PRICKLE2: variants seen among roughly 807,000 people sequenced by gnomAD.
The protein encoded by PRICKLE2 is prickle planar cell polarity protein 2.
In PRICKLE2, 21 loss-of-function variants were observed where a neutral mutation model predicts 81.4. The observed-to-expected ratio is 0.26, with a 90% confidence interval of 0.18 to 0.37. The LOEUF is 0.37. Ranked by LOEUF, PRICKLE2 falls within the 10% of genes least tolerant of loss-of-function variation. The pLI is 1.00. For missense variants in PRICKLE2, 940 were observed against 1,109.0 expected (o/e 0.85, Z 2.16); for synonymous variants, 456 against 421.5 (o/e 1.08, Z -1.00).
chr3:64,234,717 A>G (rs559697059), intron 2 of PRICKLE2, among the ~76,000 whole-genome samples: 86 of 152,104 alleles, frequency 5.7e-4, no homozygotes, highest in Non-Finnish European at 1.1e-3. Flanking sequence ...CCGCTTTTTA[A>G]GAGCATTCTT....
rs180827086 is a variant in PRICKLE2, at chr3:64,213,696, A to C, written c.-41+11214T>G. 6.2e-4 allele frequency among the ~76,000 whole-genome samples: 94 copies of C among 152,262 alleles called. 1 individual carries two copies. Among genetic ancestry groups the C allele is most frequent in the Admixed American group, 6.0e-3 (91 of 15,290 alleles). On this transcript the variant is annotated intron_variant, in intron 1 of 7. Transcript: ENST00000638394. Reference sequence around the variant, plus strand: ...TCATTTTGGGGGTGTGATTTCTCCAACTTTTTTCAGAAAACATTTTCTGAG... The same window carrying C: ...TCATTTTGGGGGTGTGATTTCTCCACCTTTTTTCAGAAAACATTTTCTGAG...
intron 7 of PRICKLE2, among the ~76,000 whole-genome samples, chr3:64,144,514 C>T (rs1285899036): frequency 2.0e-5 from 3 of 152,222 alleles, no homozygotes; most frequent in Non-Finnish European, 4.4e-5. Context: ...GAGCAGTGGC[C>T]GTCCCCTTCA....
At chr3:64,154,879 T>C (rs1177794387) in intron 5 of PRICKLE2, 1 of 152,144 alleles carries the variant, frequency 6.6e-6, no homozygotes, top group Non-Finnish European at 1.5e-5. Context: ...CCAAGTACAG[T>C]GGCTCACACC....
upstream of PRICKLE2, chr3:64,225,498 G>C (rs1163587524): frequency 1.0e-6 from 1 of 976,166 alleles, no homozygotes; most frequent in African/African-American, 1.8e-5. Flanking sequence ...ATGAAGCTGT[G>C]ATGTCAGCAA....
chr3:64,216,147 C>T (rs1322639605), intron 1 of PRICKLE2, among the ~76,000 whole-genome samples: 1 of 152,150 alleles, frequency 6.6e-6, no homozygotes, highest in Non-Finnish European at 1.5e-5. Flanking sequence ...GGCAGAAAAA[C>T]ATTATTTTTT....
chr3:64,216,980 T>A (rs2078881855), intron 1 of PRICKLE2, among the ~76,000 whole-genome samples: 1 of 152,168 alleles, frequency 6.6e-6, no homozygotes, highest in South Asian at 2.1e-4. Flanking sequence ...AGTAATAGAC[T>A]CAGGCAGCGA....
At position 64,230,512 on chromosome 3, in the gene PRICKLE2, A is replaced by G. The variant is rs149630614; in HGVS notation, c.129-31545T>C. On this transcript the variant is annotated intron_variant, in intron 2 of 8. Coordinates refer to the PRICKLE2 transcript ENST00000295902. Reference sequence around the variant, plus strand: ...AATATTTGAAACATGTGAAGCTTCTACAATGTAGGTAAAGATGCATAGCTG... The same window carrying G: ...AATATTTGAAACATGTGAAGCTTCTGCAATGTAGGTAAAGATGCATAGCTG... Among the ~76,000 whole-genome samples, 642 of 152,348 alleles carry G rather than the reference A, an allele frequency of 4.2e-3. 6 individuals carry two copies. The highest frequency in any genetic ancestry group is 0.015 in the African/African-American group (608 of 41,586).
intron 2 of PRICKLE2, chr3:64,163,689 G>T: frequency 6.0e-6 from 1 of 166,300 alleles, no homozygotes; most frequent in East Asian, 1.6e-4. Context: ...GGGATGCAGA[G>T]CATGTAATTA....
chr3:64,265,675 C>T (rs2079692985), intron 2 of PRICKLE2, among the ~76,000 whole-genome samples: 1 of 152,156 alleles, frequency 6.6e-6, no homozygotes, highest in Admixed American at 6.5e-5. Flanking sequence ...TCAGGGCAAA[C>T]CCAACACAAG....
intron 2 of PRICKLE2, among the ~76,000 whole-genome samples, chr3:64,167,991 C>T (rs2077863831): frequency 6.6e-6 from 1 of 152,148 alleles, no homozygotes; most frequent in South Asian, 2.1e-4. Flanking sequence ...TTCCCACTTT[C>T]TTCAAGAGAT....
intron 2 of PRICKLE2, among the ~76,000 whole-genome samples, chr3:64,252,281 A>T (rs1378551955): frequency 2.0e-5 from 3 of 152,178 alleles, no homozygotes; most frequent in African/African-American, 4.8e-5. Context: ...CTGCACCCCC[A>T]TAAGGGCTCC....
At chr3:64,117,304 C>T (rs1214268487) in intron 7 of PRICKLE2, among the ~76,000 whole-genome samples, 2 of 152,168 alleles carry the variant, frequency 1.3e-5, no homozygotes, top group Non-Finnish European at 2.9e-5. Flanking sequence ...CAAGGATGCC[C>T]TCTCTCACCA....
chr3:64,151,180 C>T (rs1012272485), intron 6 of PRICKLE2, among the ~76,000 whole-genome samples: 8 of 152,180 alleles, frequency 5.3e-5, no homozygotes, highest in Middle Eastern at 3.2e-3. Context: ...AGGTAAAGCA[C>T]CCAGTGACTG....
chr3:64,135,275 G>C (rs1179153894), intron 7 of PRICKLE2, among the ~76,000 whole-genome samples: 1 of 152,148 alleles, frequency 6.6e-6, no homozygotes, highest in Non-Finnish European at 1.5e-5. Flanking sequence ...GAAGCAAAAT[G>C]AATGAGTATT....
chr3:64,195,537 T>C (rs925685956), intron 2 of PRICKLE2, among the ~76,000 whole-genome samples: 1 of 152,204 alleles, frequency 6.6e-6, no homozygotes, highest in African/African-American at 2.4e-5. Flanking sequence ...GACAAAGCAT[T>C]TTTACACTCA....
rs143117086 is a variant in PRICKLE2, at chr3:64,209,728, C to T, written c.-40-10761G>A. Among the ~76,000 whole-genome samples the T allele has an allele frequency of 3.3e-5, 5 of 152,352 alleles. No individual in the cohort carries two copies. The East Asian group carries it at 9.6e-4, about 29-fold the overall frequency. On this transcript the variant is annotated intron_variant, in intron 1 of 7. Transcript: ENST00000638394. ...GACAGTCATTAAGACAGACAACATG[C>T]CTGCCTTCGTGGAGCTTTGAACCAA...
At chr3:64,157,074 T>C in intron 5 of PRICKLE2, 88 bp downstream of exon 5, 6 of 1,254,162 alleles carry the variant, frequency 4.8e-6, no homozygotes, top group Non-Finnish European at 7.0e-6. Context: ...TATGGCTTTC[T>C]TCAGTGCAGA....
rs770587769 is a variant in PRICKLE2 at position 64,099,204 on chromosome 3, G to A, written c.2382C>T (p.Pro794=). The A allele has an allele frequency of 6.2e-7, 1 of 1,614,210 alleles. No homozygotes were observed. The highest frequency in any genetic ancestry group is 8.5e-7 in the Non-Finnish European group (1 of 1,180,038). The change falls in exon 8 of 8, where the codon CCC becomes CCT. Residue 794 remains proline (P), a synonymous_variant. Coordinates refer to ENST00000638394, the MANE Select transcript of PRICKLE2 (RefSeq NM_198859.4). This position sits in a 1 kb window ranked among gnomAD's most constrained non-coding sequence, Gnocchi z 4.3. Reference sequence around the variant, plus strand: ...ATCGCAGGCGCGCTGGCTGGGGGATGGGTTCTCCTAGGAAATAGCCCTCGT... The same window carrying A: ...ATCGCAGGCGCGCTGGCTGGGGGATAGGTTCTCCTAGGAAATAGCCCTCGT... ...SDNEGYFLGE[P]IPQPARLRYV...
intron 1 of PRICKLE2, among the ~76,000 whole-genome samples, chr3:64,207,283 T>G (rs914004108): frequency 1.3e-5 from 2 of 152,152 alleles, no homozygotes; most frequent in African/African-American, 4.8e-5. Flanking sequence ...TTCCTTATCC[T>G]TAAAAAGCAA....
Sources: gnomAD v4.1 joint callset for allele counts (sites outside exome capture counted in the v4.1 genomes callset) on GRCh38, gnomAD v4.1.1 for gene constraint, Gnocchi (gnomAD v3.1) non-coding constraint, MANE v1.5 for transcripts, NCBI Gene and HGNC (gene_info 2026-07-23, HGNC 2026-07-21) for gene names.